CTNNA2: variants seen among roughly 807,000 people sequenced by gnomAD.
CTNNA2 encodes catenin alpha-2.
CTNNA2 carries 42 observed loss-of-function variants against 101.0 expected under a neutral mutation model. The ratio of observed to expected loss-of-function variants is 0.42; its 90% CI spans 0.32 to 0.54. The LOEUF is 0.54. Among genes scored for constraint, CTNNA2 ranks in the 20% least tolerant of loss-of-function variants. CTNNA2 has a pLI of 0.14. For synonymous variants in CTNNA2, 450 were observed against 456.4 expected (o/e 0.99, Z 0.18); for missense variants, 871 against 1,223.1 (o/e 0.71, Z 4.29).
At chr2:80,379,485 T>G (rs1196788408) in intron 7 of CTNNA2, among the ~76,000 whole-genome samples, 1 of 152,200 alleles carries the variant, frequency 6.6e-6, no homozygotes, top group Non-Finnish European at 1.5e-5. Flanking sequence ...ATTATGAATC[T>G]CTTGGGTTTT....
At chr2:80,269,326 A>T (rs1300525005) in intron 7 of CTNNA2, among the ~76,000 whole-genome samples, 3 of 152,156 alleles carry the variant, frequency 2.0e-5, no homozygotes, top group African/African-American at 7.2e-5. Flanking sequence ...CTCAGCAATC[A>T]TTCTTCTCTC....
chr2:79,442,677 T>G (rs908477833), intron 4 of CTNNA2, among the ~76,000 whole-genome samples: 2 of 152,200 alleles, frequency 1.3e-5, no homozygotes, highest in African/African-American at 4.8e-5. Flanking sequence ...CTTTCTTTTT[T>G]ACCCTGATTA....
intron 9 of CTNNA2, among the ~76,000 whole-genome samples, chr2:80,492,624 G>A (rs538323133): frequency 1.1e-4 from 17 of 152,130 alleles, no homozygotes; most frequent in Non-Finnish European, 1.8e-4. Context: ...CCTAGCTTCT[G>A]TCTTTTCTTT....
At chr2:80,105,522 G>T (rs774758624) in intron 7 of CTNNA2, among the ~76,000 whole-genome samples, 2 of 152,080 alleles carry the variant, frequency 1.3e-5, no homozygotes, top group African/African-American at 2.4e-5. Context: ...CCAGGAGTTC[G>T]AGACCAGCCT....
intron 7 of CTNNA2, among the ~76,000 whole-genome samples, chr2:80,104,976 A>G (rs931157557): frequency 2.0e-5 from 3 of 152,176 alleles, no homozygotes; most frequent in Non-Finnish European, 2.9e-5. Context: ...ATCAGAATGG[A>G]TGATGGTAAA....
intron 7 of CTNNA2, among the ~76,000 whole-genome samples, chr2:80,269,481 G>T (rs1341111099): frequency 6.6e-6 from 1 of 152,130 alleles, no homozygotes; most frequent in African/African-American, 2.4e-5. Context: ...ATAGCAATGT[G>T]AGAACAGACT....
chr2:80,574,360 G>T, intron 13 of CTNNA2, 46 bp downstream of exon 13: 1 of 1,501,374 alleles, frequency 6.7e-7, no homozygotes, highest in Admixed American at 2.1e-5. Context: ...TCTCCTAGTA[G>T]GAAACTAAAG....
chr2:79,592,914 T>G (rs1676953570), intron 1 of CTNNA2, among the ~76,000 whole-genome samples: 2 of 152,136 alleles, frequency 1.3e-5, no homozygotes, highest in Admixed American at 1.3e-4. Flanking sequence ...AGAGGTAAAT[T>G]CAGTGATGTG....
intron 4 of CTNNA2, among the ~76,000 whole-genome samples, chr2:79,419,505 T>G (rs1350574677): frequency 6.6e-6 from 1 of 152,080 alleles, no homozygotes; most frequent in Non-Finnish European, 1.5e-5. Context: ...TGAGAAGGTA[T>G]AGGGAAACTC....
chr2:80,399,187 T>C (rs1270605130), intron 8 of CTNNA2, among the ~76,000 whole-genome samples: 1 of 151,790 alleles, frequency 6.6e-6, no homozygotes, highest in Non-Finnish European at 1.5e-5. Flanking sequence ...CCCTTGATGA[T>C]GGGTAGTACA....
chr2:79,376,553 T>C (rs904615898), intron 4 of CTNNA2, among the ~76,000 whole-genome samples: 8 of 152,142 alleles, frequency 5.3e-5, no homozygotes, highest in Admixed American at 2.6e-4. Flanking sequence ...GTTACGTATG[T>C]ATACATGTGC....
intron 4 of CTNNA2, among the ~76,000 whole-genome samples, chr2:79,424,587 C>A (rs1053984256): frequency 2.6e-5 from 4 of 151,998 alleles, no homozygotes; most frequent in African/African-American, 9.7e-5. Flanking sequence ...ATGCAGGAAC[C>A]TAAAAGAATA....
intron 6 of CTNNA2, among the ~76,000 whole-genome samples, chr2:79,889,715 T>C (rs1684172471): frequency 6.6e-6 from 1 of 152,238 alleles, no homozygotes; most frequent in African/African-American, 2.4e-5. Context: ...CCCATCTTAA[T>C]AGACGTGTTG....
intron 7 of CTNNA2, among the ~76,000 whole-genome samples, chr2:80,096,693 T>C (rs1700175083): frequency 6.6e-6 from 1 of 152,232 alleles, no homozygotes. Context: ...GGTGCTCTTG[T>C]ATTGGGTGCA....
chr2:80,182,763 G>C (rs1705862288), intron 7 of CTNNA2, among the ~76,000 whole-genome samples: 1 of 152,216 alleles, frequency 6.6e-6, no homozygotes, highest in Non-Finnish European at 1.5e-5. Flanking sequence ...GCTATGTGCA[G>C]TTGAGGACAG....
intron 9 of CTNNA2, among the ~76,000 whole-genome samples, chr2:80,431,938 G>C (rs760636734): frequency 6.6e-6 from 1 of 151,232 alleles, no homozygotes; most frequent in Non-Finnish European, 1.5e-5. Flanking sequence ...GCACATTAGT[G>C]CCTGTTGGTA....
At chr2:79,227,247 C>A (rs952410980) in intron 2 of CTNNA2, among the ~76,000 whole-genome samples, 3 of 152,106 alleles carry the variant, frequency 2.0e-5, no homozygotes, top group Non-Finnish European at 4.4e-5. Flanking sequence ...TTAATCTGGG[C>A]ATGCAAACAT....
intron 3 of CTNNA2, among the ~76,000 whole-genome samples, chr2:79,751,471 C>T (rs1316581131): frequency 1.3e-5 from 2 of 151,500 alleles, no homozygotes; most frequent in African/African-American, 2.4e-5. Flanking sequence ...TGGCTCATGC[C>T]TGTAGCTCCA....
chr2:79,963,197 C>T (rs1359912041), intron 7 of CTNNA2, among the ~76,000 whole-genome samples: 1 of 151,936 alleles, frequency 6.6e-6, no homozygotes, highest in Non-Finnish European at 1.5e-5. Flanking sequence ...AATAAAATGC[C>T]CTGAAGTCTC....
Sources: allele counts gnomAD v4.1 joint callset (sites outside exome capture counted in the v4.1 genomes callset), GRCh38; gene constraint gnomAD v4.1.1; transcripts MANE v1.5; gene names NCBI Gene and HGNC (gene_info 2026-07-23, HGNC 2026-07-21).